Variants in CTNNA3 observed in about 807,000 individuals in gnomAD.
CTNNA3 encodes catenin alpha-3.
In CTNNA3, 76 loss-of-function variants were observed where a neutral mutation model predicts 95.7. The ratio of observed to expected loss-of-function variants is 0.79; its 90% confidence interval spans 0.66 to 0.96. The LOEUF (loss-of-function observed/expected upper bound fraction) is 0.96. Among genes scored for constraint, CTNNA3 ranks in the 40% least tolerant of loss-of-function variants. The pLI, the probability that CTNNA3 is intolerant of heterozygous loss-of-function variation, is 0.00. For missense variants in CTNNA3, 1,191 were observed against 1,089.8 expected (o/e 1.09, Z -1.31); for synonymous variants, 431 against 374.4 (o/e 1.15, Z -1.74).
At position 66,927,446 on chromosome 10, in the gene CTNNA3, T is replaced by A; in HGVS notation, c.1048-151922A>T. The A allele has an allele frequency of 6.2e-7, 1 of 1,614,132 alleles. No homozygotes were observed. Among genetic ancestry groups the A allele is most frequent in the Non-Finnish European group, 8.5e-7 (1 of 1,180,030 alleles). On this transcript the variant is annotated intron_variant, in intron 7 of 17. Transcript: ENST00000433211. The surrounding 1 kb of genome is among the most constrained non-coding windows in gnomAD (Gnocchi z 4.7). ...CTGAGAACCATCCCTGTGCGAATAT[T>A]CCAAGACTGCCGCAACCTGGAACTT... is the stretch of plus-strand genomic sequence containing the variant.
At chr10:66,642,414 A>G (rs993994364) in intron 9 of CTNNA3, among the ~76,000 whole-genome samples, 2 of 151,802 alleles carry the variant, frequency 1.3e-5, no homozygotes, top group African/African-American at 4.8e-5. Flanking sequence ...GTAGAAAATT[A>G]CTCACCCTAC....
chr10:65,963,206 C>A (rs2077889313), intron 17 of CTNNA3, among the ~76,000 whole-genome samples: 1 of 152,204 alleles, frequency 6.6e-6, no homozygotes, highest in East Asian at 1.9e-4. Context: ...TATAAATGAT[C>A]CTTTCAAAAC....
intron 5 of CTNNA3, among the ~76,000 whole-genome samples, chr10:67,246,366 CT>C (rs1282062668): frequency 3.3e-5 from 5 of 152,144 alleles, no homozygotes; most frequent in East Asian, 1.9e-4. Flanking sequence ...ACTAAATACT[CT>C]TTTTTTCCTC....
intron 10 of CTNNA3, among the ~76,000 whole-genome samples, chr10:66,546,876 T>C (rs1315906030): frequency 6.6e-6 from 1 of 152,164 alleles, no homozygotes; most frequent in African/African-American, 2.4e-5. Context: ...TTATCAGATT[T>C]GATATGTCCC....
At chr10:67,086,266 T>C (rs12358029) in intron 7 of CTNNA3, among the ~76,000 whole-genome samples, 53,629 of 151,880 alleles carry the variant, frequency 0.35, 9,839 homozygotes, top group Middle Eastern at 0.53. Context: ...CTTTAAAAAA[T>C]GTTACTTGAA....
intron 13 of CTNNA3, among the ~76,000 whole-genome samples, chr10:66,251,718 TTACTC>T (rs2090559626): frequency 6.6e-6 from 1 of 152,220 alleles, no homozygotes; most frequent in Non-Finnish European, 1.5e-5. Flanking sequence ...GAAGTGCTAA[TTACTC>T]TATTTAACAT....
intron 14 of CTNNA3, among the ~76,000 whole-genome samples, chr10:66,101,417 T>C (rs1223798170): frequency 6.6e-6 from 1 of 152,226 alleles, no homozygotes; most frequent in Non-Finnish European, 1.5e-5. Context: ...AATATTCCTA[T>C]TACCAAAATT....
At chr10:67,460,961 T>G (rs1472418190) in intron 5 of CTNNA3, among the ~76,000 whole-genome samples, 1 of 152,108 alleles carries the variant, frequency 6.6e-6, no homozygotes, top group African/African-American at 2.4e-5. Context: ...GATTTGTGAG[T>G]TGGTGATGTA....
intron 11 of CTNNA3, among the ~76,000 whole-genome samples, chr10:66,397,676 C>T (rs2092990208): frequency 6.6e-6 from 1 of 151,720 alleles, no homozygotes; most frequent in Admixed American, 6.6e-5. Context: ...TAGAAATAAG[C>T]AACTAAAGAA....
In CTNNA3 at chr10:67,159,316, G is replaced by A. The variant is rs1416660277; in HGVS notation, c.1047+21001C>T. Among the ~76,000 whole-genome samples the A allele has an allele frequency of 3.9e-5, 6 of 152,170 alleles. No homozygotes were observed. The East Asian group carries it at 5.8e-4, about 15-fold the overall frequency. On this transcript the variant is annotated intron_variant, in intron 7 of 17. Coordinates refer to ENST00000433211, the MANE Select transcript of CTNNA3 (RefSeq NM_013266.4). ...TCGGATTTTAAGGCAGTAGCTTGCC[G>A]ATGCTCCCAGCTGAATAAAGCCCTT...
At chr10:66,349,586 A>C (rs79031077) in intron 12 of CTNNA3, among the ~76,000 whole-genome samples, 2,247 of 152,254 alleles carry the variant, frequency 0.015, 49 homozygotes, top group African/African-American at 0.047. Flanking sequence ...CAAATTTCAC[A>C]ACTACGCTAA....
intron 7 of CTNNA3, among the ~76,000 whole-genome samples, chr10:66,925,350 T>C (rs1408901486): frequency 6.6e-6 from 1 of 152,226 alleles, no homozygotes; most frequent in Non-Finnish European, 1.5e-5. Flanking sequence ...GTGTAATAAA[T>C]AGCAGCAACA....
chr10:67,727,873 A>C (rs1315559287), intron 1 of CTNNA3, among the ~76,000 whole-genome samples: 1 of 131,666 alleles, frequency 7.6e-6, no homozygotes, highest in East Asian at 2.0e-4. Flanking sequence ...TGTATAATAT[A>C]GTATATATCA....
rs1458404683 is a variant in CTNNA3, at chr10:66,909,677, T to G, written c.1048-134153A>C. Among the ~76,000 whole-genome samples the G allele has an allele frequency of 2.0e-5, 3 of 152,042 alleles. No homozygotes were observed. In the East Asian group the frequency reaches 5.8e-4, roughly 29 times the overall value. On this transcript the variant is annotated intron_variant, in intron 7 of 17. Coordinates refer to ENST00000433211, the MANE Select transcript of CTNNA3 (RefSeq NM_013266.4). ...TGTTAGTCAAATAGAGACCAAATGG[T>G]GAAAAATACACCAGTACTCTGGTTA...
At chr10:66,122,528 C>T (rs542014866) in intron 13 of CTNNA3, among the ~76,000 whole-genome samples, 1 of 152,202 alleles carries the variant, frequency 6.6e-6, no homozygotes, top group Admixed American at 6.5e-5. Flanking sequence ...CAAGAAAGTA[C>T]AGCCAAGCAT....
chr10:66,461,486 A>C (rs2093528774), intron 11 of CTNNA3, among the ~76,000 whole-genome samples: 1 of 152,080 alleles, frequency 6.6e-6, no homozygotes, highest in African/African-American at 2.4e-5. Flanking sequence ...CTACGAAATT[A>C]ACAACTGATG....
chr10:67,327,857 T>C (rs1178696916), intron 5 of CTNNA3, among the ~76,000 whole-genome samples: 1 of 152,152 alleles, frequency 6.6e-6, no homozygotes, highest in African/African-American at 2.4e-5. Context: ...GTGGTCACCC[T>C]GAAGGTGGTG....
rs1381911242 is a variant in CTNNA3, at chr10:66,362,203, A to G, written c.1732+16949T>C. Among the ~76,000 whole-genome samples the G allele has an allele frequency of 2.0e-4, 29 of 148,598 alleles. No homozygotes were observed. The Admixed American group carries it at 2.0e-3, about 10-fold the overall frequency. On this transcript the variant is annotated intron_variant, in intron 12 of 17. Coordinates refer to ENST00000433211, the MANE Select transcript of CTNNA3 (RefSeq NM_013266.4). ...CAGCAACCTCCGCCTTCTGGGTTCA[A>G]GTGATTTTCCTGCCTCAGCCTCCCA...
rs1047630311 is a variant in CTNNA3 at position 67,615,387 on chromosome 10, T to A, written c.100-8338A>T. ...TAGCTAAATATCCTAATCCAAGAAG[T>A]GCACTTACTCCTGGATAAATATAAA... On this transcript the variant is annotated intron_variant, in intron 2 of 17. Coordinates refer to ENST00000433211, the MANE Select transcript of CTNNA3 (RefSeq NM_013266.4). Among the ~76,000 whole-genome samples the A allele has an allele frequency of 2.0e-5, 3 of 152,270 alleles. No homozygotes were observed. In the East Asian group the frequency reaches 5.8e-4, roughly 29 times the overall value.
Sources: allele counts gnomAD v4.1 joint callset (sites outside exome capture counted in the v4.1 genomes callset), GRCh38; gene constraint gnomAD v4.1.1; non-coding constraint Gnocchi (gnomAD v3.1); transcripts MANE v1.5; gene names NCBI Gene and HGNC (gene_info 2026-07-23, HGNC 2026-07-21).